MYOM2: variants seen among roughly 807,000 people sequenced by gnomAD.
MYOM2 encodes the protein myomesin 2.
MYOM2 carries 254 observed loss-of-function variants against 187.6 expected under a neutral mutation model. The observed-to-expected ratio is 1.35, with a 90% CI of 1.22 to 1.50. The LOEUF (loss-of-function observed/expected upper bound fraction) is 1.50, where lower values mean the gene tolerates loss of function less well. MYOM2 is among the 40% of genes most tolerant of loss of function. The pLI is 0.00. For synonymous variants in MYOM2, 981 were observed against 753.8 expected, an observed-to-expected ratio of 1.30 and a Z score of -4.94; for missense variants, 2,796 against 1,924.0, an observed-to-expected ratio of 1.45 and a Z score of -8.48.
At chr8:2,053,751 C>T (rs1233305297) in intron 3 of MYOM2, among the ~76,000 whole-genome samples, 4 of 152,316 alleles carry the variant, frequency 2.6e-5, no homozygotes. Flanking sequence ...CTGTCTTAGA[C>T]GTAGTAGAGA....
At chr8:2,117,130 C>G (rs1228046253) in intron 27 of MYOM2, among the ~76,000 whole-genome samples, 2 of 150,730 alleles carry the variant, frequency 1.3e-5, no homozygotes, top group African/African-American at 4.9e-5. Context: ...AATTATGAAA[C>G]ATAAAATCAA....
At chr8:2,098,683 G>A (rs746039368) in intron 18 of MYOM2, among the ~76,000 whole-genome samples, 174 bp from the exon 19 acceptor site, 2 of 152,124 alleles carry the variant, frequency 1.3e-5, no homozygotes, top group Admixed American at 1.3e-4. Context: ...GGTTTCATGC[G>A]GCTGCAGCTC....
At chr8:2,116,719 A>G (rs976924645) in intron 27 of MYOM2, among the ~76,000 whole-genome samples, 4 of 152,174 alleles carry the variant, frequency 2.6e-5, no homozygotes, top group Middle Eastern at 3.2e-3. Context: ...AAATGGATAC[A>G]CTTTAGATTC....
intron 32 of MYOM2, among the ~76,000 whole-genome samples, chr8:2,129,613 T>TTAAAAG (rs201073584): frequency 0.028 from 4,226 of 152,188 alleles, 58 homozygotes; most frequent in Middle Eastern, 0.048. Context: ...CTAGACTTGA[T>TTAAAAG]TAAAAGTACC....
chr8:2,100,105 CTTCTTTCT>C (rs1280786057), intron 19 of MYOM2, among the ~76,000 whole-genome samples: 1,730 of 67,126 alleles, frequency 0.026, 87 homozygotes, highest in African/African-American at 0.074. Flanking sequence ...TCCTTCCTTC[CTTCTTTCT>C]TTCCTTCCTT....
Position 2,106,349 on chromosome 8 carries a change from G to C in MYOM2, c.2842G>C (p.Glu948Gln), listed in dbSNP as rs757537628. 1.2e-6 allele frequency: 2 copies of C among 1,614,142 alleles called. No individual in the cohort carries two copies. The highest frequency in any genetic ancestry group is 1.7e-6 in the Non-Finnish European group (2 of 1,179,998). ...TCAGTTCACCTGGTGTAAATCCTAC[G>C]AGGAGATTTCAGATGATGAGAGGTT... ...ASQFTWCKSY[E>Q]EISDDERFKI... The change falls in exon 22 of 37, where the codon GAG becomes CAG. Residue 948 changes from glutamate to glutamine, a missense_variant. Coordinates refer to ENST00000262113, the MANE Select transcript of MYOM2 (RefSeq NM_003970.4).
intron 11 of MYOM2, among the ~76,000 whole-genome samples, chr8:2,077,350 A>C (rs1819464114): frequency 6.6e-6 from 1 of 152,136 alleles, no homozygotes; most frequent in Non-Finnish European, 1.5e-5. Flanking sequence ...AAACAAAACA[A>C]AAAAACCACA....
At chr8:2,142,715 T>G in intron 35 of MYOM2, among the ~76,000 whole-genome samples, 1 of 4,472 alleles carries the variant, frequency 2.2e-4, no homozygotes, top group African/African-American at 9.1e-4. Context: ...CTTCCCTCCC[T>G]CCCTCCCTCC....
At position 2,124,193 on chromosome 8, in the gene MYOM2, A is replaced by C; in HGVS notation, c.3670A>C (p.Ile1224Leu). ...CTCATTTTCAGTGTATGATGATATG[A>C]TTTTGGCAATGAGTAGAGTCTGTGG... Reference protein sequence around the residue: ...EIAGKVYDDMILAMSRVCGKS... With the variant: ...EIAGKVYDDMLLAMSRVCGKS... The change falls in exon 31 of 37, where the codon ATT (isoleucine) becomes CTT (leucine). Residue 1224 changes from isoleucine (I) to leucine (L), a missense_variant. Physicochemically the swap from Ile to Leu is conservative, Grantham distance 5. Transcript: ENST00000262113. The C allele has an allele frequency of 6.2e-7, 1 of 1,612,974 alleles. No homozygotes were observed. The highest frequency in any genetic ancestry group is 8.5e-7 in the Non-Finnish European group (1 of 1,179,386).
intron 25 of MYOM2, among the ~76,000 whole-genome samples, chr8:2,115,140 C>G (rs1797196838): frequency 1.4e-5 from 2 of 144,324 alleles, no homozygotes; most frequent in Non-Finnish European, 3.0e-5. Flanking sequence ...GTAAAAATAT[C>G]AAGCCCCCAA....
chr8:2,140,732 G>T lies in MYOM2; in HGVS notation c.3810G>T (p.Lys1270Asn). The T allele has an allele frequency of 1.9e-6, 3 of 1,613,852 alleles. No homozygotes were observed. The highest frequency in any genetic ancestry group is 2.5e-6 in the Non-Finnish European group (3 of 1,179,852). ...TGTTGCTCTTTTCAAGAGATGCTAA[G>T]ATCTCATCCAGTGAGCATATGAGAA... ...MKVNWCHKDA[K>N]ISSSEHMRIG... The change falls in exon 33 of 37, where the codon AAG (lysine) becomes AAT (asparagine). Residue 1270 changes from lysine to asparagine, a missense_variant. Lys to Asn is a moderately conservative substitution (Grantham distance 94). Transcript: ENST00000262113.
At chr8:2,048,801 T>A (rs1300788680) in intron 1 of MYOM2, among the ~76,000 whole-genome samples, 1 of 151,508 alleles carries the variant, frequency 6.6e-6, no homozygotes, top group Non-Finnish European at 1.5e-5. Flanking sequence ...ATTTTATTTT[T>A]TTTTTTGAGA....
chr8:2,078,469 T>G (rs1819509318), intron 11 of MYOM2, among the ~76,000 whole-genome samples: 1 of 152,182 alleles, frequency 6.6e-6, no homozygotes, highest in South Asian at 2.1e-4. Context: ...TGACAGAAAT[T>G]GATCTTCAGC....
chr8:2,132,418 A>G (rs1563078718), intron 32 of MYOM2, among the ~76,000 whole-genome samples: 2 of 152,242 alleles, frequency 1.3e-5, no homozygotes, highest in Admixed American at 6.5e-5. Context: ...GAAGCAGGCA[A>G]AGAGGAATTC....
intron 3 of MYOM2, among the ~76,000 whole-genome samples, chr8:2,055,138 G>C (rs540340481): frequency 1.3e-5 from 2 of 149,192 alleles, no homozygotes; most frequent in South Asian, 2.2e-4. Context: ...GGGTAACCAA[G>C]TACCTGGATA....
intron 14 of MYOM2, among the ~76,000 whole-genome samples, chr8:2,087,063 C>G (rs913805277): frequency 6.6e-6 from 1 of 152,168 alleles, no homozygotes; most frequent in East Asian, 1.9e-4. Context: ...CACACATTCT[C>G]TTTTTACCCT....
rs746401680 is a variant in MYOM2 at position 2,140,883 on chromosome 8, C to T, written c.3961C>T (p.Gln1321Ter). The T allele has an allele frequency of 3.1e-6, 5 of 1,608,364 alleles. No homozygotes were observed. Among genetic ancestry groups the T allele is most frequent in the South Asian group, 1.1e-5 (1 of 90,270 alleles). The change falls in exon 33 of 37, where the codon CAA (glutamine) becomes TAA (stop). Residue 1321 changes from glutamine (Q) to a stop codon, truncating the protein, a stop_gained. Coordinates refer to ENST00000262113, the MANE Select transcript of MYOM2 (RefSeq NM_003970.4). LOFTEE classifies it high-confidence loss of function. ...NHQRSLDLSG[Q>*]AFDEAFAEFQ... ...TCAACGCTCCCTTGACCTGTCCGGACAAGGTAAGAGAATTCTTCTTTAGCA... is the reference window on the plus strand; with the variant it reads ...TCAACGCTCCCTTGACCTGTCCGGATAAGGTAAGAGAATTCTTCTTTAGCA...
intron 14 of MYOM2, among the ~76,000 whole-genome samples, chr8:2,088,073 A>G (rs1267486116): frequency 1.3e-5 from 2 of 151,534 alleles, no homozygotes; most frequent in Non-Finnish European, 2.9e-5. Context: ...TTTTTCCATT[A>G]GTTATTGGGT....
chr8:2,139,640 C>T (rs1289972960), intron 32 of MYOM2, among the ~76,000 whole-genome samples: 1 of 152,176 alleles, frequency 6.6e-6, no homozygotes, highest in Non-Finnish European at 1.5e-5. Flanking sequence ...CCTGCTTCCC[C>T]AAGCTGCGGC....
Sources: gnomAD v4.1 joint callset for allele counts (sites outside exome capture counted in the v4.1 genomes callset) on GRCh38, gnomAD v4.1.1 for gene constraint, MANE v1.5 for transcripts, NCBI Gene and HGNC (gene_info 2026-07-23, HGNC 2026-07-21) for gene names.